Variants in GFRA1 observed in about 807,000 individuals in gnomAD.
GFRA1 encodes GDNF family receptor alpha 1.
GFRA1 carries 16 observed loss-of-function variants against 51.6 expected under a neutral mutation model. The ratio of observed to expected loss-of-function variants is 0.31; its 90% confidence interval spans 0.21 to 0.47. The LOEUF (loss-of-function observed/expected upper bound fraction) is 0.47. Ranked by LOEUF, GFRA1 falls within the 20% of genes least tolerant of loss-of-function variation. The pLI is 1.00. For missense variants in GFRA1, 530 were observed against 594.3 expected (o/e 0.89, Z 1.13); for synonymous variants, 270 against 241.3 (o/e 1.12, Z -1.10).
In GFRA1 at chr10:116,093,729, T is replaced by G; in HGVS notation, c.988A>C (p.Asn330His). ...NDLEECLKFLNFFKDNTCLKN... is the reference protein window; with the variant it reads ...NDLEECLKFLHFFKDNTCLKN... Reference sequence around the variant, plus strand: ...AGACATGTATTGTCCTTGAAGAAATTCAAAAATTTCAAGCACTCTTCTAGG... The same window carrying G: ...AGACATGTATTGTCCTTGAAGAAATGCAAAAATTTCAAGCACTCTTCTAGG... Residue 330 changes from asparagine (N) to histidine (H), a missense_variant, in exon 8 of 11, where the codon AAT (asparagine) becomes CAT (histidine). Physicochemically the swap from Asn to His is moderately conservative, Grantham distance 68. Coordinates refer to ENST00000355422, the MANE Select transcript of GFRA1 (RefSeq NM_005264.8). 1 of 1,613,946 alleles carries G rather than the reference T, an allele frequency of 6.2e-7. No individual in the cohort carries two copies. Among genetic ancestry groups the G allele is most frequent in the Non-Finnish European group, 8.5e-7 (1 of 1,179,830 alleles).
At chr10:116,236,083 G>T (rs909932633) in intron 4 of GFRA1, among the ~76,000 whole-genome samples, 4 of 152,106 alleles carry the variant, frequency 2.6e-5, no homozygotes, top group African/African-American at 9.7e-5. Flanking sequence ...GAACAACAAA[G>T]GTGCCACCTC....
chr10:116,125,164 A>G, intron 6 of GFRA1, 57 bp downstream of exon 6: 1 of 1,438,450 alleles, frequency 7.0e-7, no homozygotes, highest in Middle Eastern at 1.8e-4. Context: ...CAGCCGAAGC[A>G]GCCGCCAAGA....
chr10:116,238,788 A>G (rs997966817), intron 4 of GFRA1, among the ~76,000 whole-genome samples: 1 of 152,258 alleles, frequency 6.6e-6, no homozygotes, highest in East Asian at 1.9e-4. Context: ...AACTATTGAC[A>G]TGCAAAACAA....
chr10:116,213,100 A>G lies in GFRA1; in HGVS notation c.419-1455T>C, dbSNP rs539020713. ...AAAAGGAATGAAACTTCTAGAAGATAGTTTGATGGTATATAAAAAAAGATT... is the reference window on the plus strand; with the variant it reads ...AAAAGGAATGAAACTTCTAGAAGATGGTTTGATGGTATATAAAAAAAGATT... On this transcript the variant is annotated intron_variant, in intron 4 of 10. Transcript: ENST00000355422. Among the ~76,000 whole-genome samples the G allele has an allele frequency of 3.3e-5, 5 of 152,356 alleles. 1 individual carries two copies. In the East Asian group the frequency reaches 9.6e-4, roughly 29 times the overall value.
intron 6 of GFRA1, among the ~76,000 whole-genome samples, chr10:116,111,426 G>A (rs2420233): frequency 0.5 from 75,495 of 151,990 alleles, 19,997 homozygotes; most frequent in Admixed American, 0.63. Flanking sequence ...GGTCCCCACA[G>A]CCTTCCAAAT....
At chr10:116,065,854 C>T (rs111986987) in intron 9 of GFRA1, among the ~76,000 whole-genome samples, 61 of 152,076 alleles carry the variant, frequency 4.0e-4, no homozygotes, top group African/African-American at 9.4e-4. Context: ...CATTTCAAAA[C>T]GTACTCAATA....
intron 5 of GFRA1, among the ~76,000 whole-genome samples, chr10:116,198,400 T>A (rs975890701): frequency 1.3e-5 from 2 of 152,228 alleles, no homozygotes; most frequent in South Asian, 4.1e-4. Flanking sequence ...ATAAAACCTG[T>A]GCATACAGAC....
At chr10:116,109,762 A>C (rs1251815377) in intron 6 of GFRA1, among the ~76,000 whole-genome samples, 1 of 152,164 alleles carries the variant, frequency 6.6e-6, no homozygotes, top group Non-Finnish European at 1.5e-5. Flanking sequence ...GGCCGGGACG[A>C]CCATCATGGG....
At chr10:116,114,452 G>A (rs764827664) in intron 6 of GFRA1, among the ~76,000 whole-genome samples, 1 of 152,222 alleles carries the variant, frequency 6.6e-6, no homozygotes, top group Admixed American at 6.5e-5. Flanking sequence ...GCTGAAAGAG[G>A]ATGACTATCA....
chr10:116,170,593 T>G (rs913589371), intron 5 of GFRA1, among the ~76,000 whole-genome samples: 2 of 152,188 alleles, frequency 1.3e-5, no homozygotes, highest in Admixed American at 1.3e-4. Flanking sequence ...CCCTACCCCA[T>G]GACTTTTCAT....
At chr10:116,207,020 A>C (rs772409625) in intron 5 of GFRA1, among the ~76,000 whole-genome samples, 1 of 152,222 alleles carries the variant, frequency 6.6e-6, no homozygotes, top group Non-Finnish European at 1.5e-5. Flanking sequence ...CAAAACCTGC[A>C]CAAGGGATAT....
chr10:116,063,801 G>T lies in GFRA1; in HGVS notation c.*597C>A. On this transcript the variant is annotated 3_prime_UTR_variant, in exon 11 of 11. Transcript: ENST00000355422. ...GTACAAGAGTGCAGAACTGTTTACA[G>T]TACATAAACATCAGCGTGGAAAATG... The T allele has an allele frequency of 1.3e-5, 2 of 155,770 alleles. No homozygotes were observed. Among genetic ancestry groups the T allele is most frequent in the East Asian group, 1.9e-4 (1 of 5,332 alleles). 9.6% of individuals were successfully genotyped at this position (155,770 alleles called of 1,614,324 possible).
At chr10:116,253,685 G>GAA (rs1365489696) in intron 4 of GFRA1, among the ~76,000 whole-genome samples, 1 of 152,152 alleles carries the variant, frequency 6.6e-6, no homozygotes, top group Non-Finnish European at 1.5e-5. Flanking sequence ...GCCAAGTCCA[G>GAA]GGCCTTCTTC....
chr10:116,190,199 C>T (rs1270634033), intron 5 of GFRA1, among the ~76,000 whole-genome samples: 4 of 152,202 alleles, frequency 2.6e-5, no homozygotes, highest in South Asian at 2.1e-4. Context: ...CAACTGCTGG[C>T]AATTCCCCTG....
At chr10:116,216,367 T>C (rs1358242951) in intron 4 of GFRA1, among the ~76,000 whole-genome samples, 1 of 152,210 alleles carries the variant, frequency 6.6e-6, no homozygotes, top group Non-Finnish European at 1.5e-5. Flanking sequence ...TATTTATCTA[T>C]TGCTTTGTTT....
chr10:116,258,239 A>T (rs923836585), intron 4 of GFRA1, among the ~76,000 whole-genome samples: 1 of 151,868 alleles, frequency 6.6e-6, no homozygotes, highest in Non-Finnish European at 1.5e-5. Flanking sequence ...TATCTGATGA[A>T]TGAATTTGGC....
intron 9 of GFRA1, among the ~76,000 whole-genome samples, chr10:116,081,616 G>C (rs949887931): frequency 2.6e-5 from 4 of 152,270 alleles, no homozygotes; most frequent in African/African-American, 9.6e-5. Context: ...GACCTTCTGA[G>C]GTTACTGTGA....
chr10:116,121,043 G>A (rs1435297862), intron 6 of GFRA1, among the ~76,000 whole-genome samples: 1 of 152,182 alleles, frequency 6.6e-6, no homozygotes, highest in East Asian at 1.9e-4. Flanking sequence ...ATGCCCAAGG[G>A]GAAGGTGCTG....
chr10:116,220,564 T>A (rs561255947), intron 4 of GFRA1, among the ~76,000 whole-genome samples: 1 of 152,332 alleles, frequency 6.6e-6, no homozygotes, highest in African/African-American at 2.4e-5. Context: ...TTGCCACAAA[T>A]AACCATCAGG....
Sources: gnomAD v4.1 joint callset for allele counts (sites outside exome capture counted in the v4.1 genomes callset) on GRCh38, gnomAD v4.1.1 for gene constraint, MANE v1.5 for transcripts, NCBI Gene and HGNC (gene_info 2026-07-23, HGNC 2026-07-21) for gene names.